Variants in LRGUK observed in about 807,000 individuals in gnomAD.
LRGUK encodes the protein leucine rich repeats and guanylate kinase domain containing.
Under a neutral mutation model 76.0 loss-of-function variants are expected in LRGUK, and 65 were observed. That is an observed-to-expected ratio of 0.85 (90% CI 0.70 to 1.05). LRGUK has a LOEUF of 1.05. Ranked by LOEUF, LRGUK falls within the 50% of genes least tolerant of loss-of-function variation. The pLI is 0.00. For missense variants in LRGUK, 758 were observed against 732.8 expected, an observed-to-expected ratio of 1.03 and a Z score of -0.40; for synonymous variants, 268 against 265.6, an observed-to-expected ratio of 1.01 and a Z score of -0.09.
At chr7:134,134,946 A>G (rs1357837614) in intron 1 of LRGUK, among the ~76,000 whole-genome samples, 1 of 152,174 alleles carries the variant, frequency 6.6e-6, no homozygotes, top group Non-Finnish European at 1.5e-5. Flanking sequence ...CAAAATATTA[A>G]AAGAAGGTGT....
At chr7:134,191,951 A>G (rs1800272403) in intron 12 of LRGUK, among the ~76,000 whole-genome samples, 200 bp downstream of exon 12, 1 of 151,044 alleles carries the variant, frequency 6.6e-6, no homozygotes. Flanking sequence ...ATGGTCTTGG[A>G]GAAAATATTG....
chr7:134,258,360 C>T, exon 19 of LRGUK: 3 of 1,613,986 alleles, frequency 1.9e-6, no homozygotes, highest in Non-Finnish European at 1.7e-6. Flanking sequence ...TTCTTCACAC[C>T]TAGGATCAGG....
intron 1 of LRGUK, among the ~76,000 whole-genome samples, chr7:134,135,312 C>T (rs1337505362): frequency 6.6e-6 from 1 of 152,128 alleles, no homozygotes; most frequent in Non-Finnish European, 1.5e-5. Context: ...GGTCTCCTCC[C>T]CTGGGTGGGT....
intron 11 of LRGUK, 138 bp downstream of exon 11, chr7:134,183,991 T>A: frequency 1.7e-6 from 2 of 1,167,138 alleles, no homozygotes; most frequent in Non-Finnish European, 2.4e-6. Context: ...CAAAACAACT[T>A]AATATTTAAG....
intron 7 of LRGUK, among the ~76,000 whole-genome samples, chr7:134,167,345 G>A (rs1450140214): frequency 6.6e-6 from 1 of 152,182 alleles, no homozygotes; most frequent in East Asian, 1.9e-4. Context: ...CTCAGACCAA[G>A]GTGAATGTGA....
chr7:134,199,981 T>TA lies in LRGUK; in HGVS notation c.1747+560_1747+561insA, dbSNP rs1563178598. ...TTTCTATAGATATATTCTAGAAACT[T>TA]TTATATATATATATATATATATATA... On this transcript the variant is annotated intron_variant, in intron 14 of 15. Coordinates refer to ENST00000645682, the Ensembl canonical transcript of LRGUK. Among the ~76,000 whole-genome samples, 53 of 81,682 alleles carry TA rather than the reference T, an allele frequency of 6.5e-4. 1 individual carries two copies. The highest frequency in any genetic ancestry group is 1.1e-3 in the Non-Finnish European group (46 of 43,108). 53.6% of individuals were successfully genotyped at this position (81,682 alleles called of 152,430 possible). A position where few individuals can be genotyped will look rare whatever the true frequency, so the allele number is the denominator to read the frequency against.
intron 12 of LRGUK, among the ~76,000 whole-genome samples, chr7:134,196,496 G>C (rs1800492167): frequency 6.6e-6 from 1 of 152,148 alleles, no homozygotes; most frequent in South Asian, 2.1e-4. Flanking sequence ...AAAGCTTTTA[G>C]GATGTCCCTG....
At chr7:134,249,226 C>A in intron 18 of LRGUK, 150 bp downstream of exon 18, 2 of 847,678 alleles carry the variant, frequency 2.4e-6, no homozygotes, top group Non-Finnish European at 3.3e-6. Flanking sequence ...TAGACCCTGC[C>A]CCTCTATGGA....
chr7:134,250,093 T>C (rs941470067), intron 18 of LRGUK, among the ~76,000 whole-genome samples: 2 of 152,154 alleles, frequency 1.3e-5, no homozygotes, highest in East Asian at 1.9e-4. Flanking sequence ...TGGCAGTCTC[T>C]GTGGAGCATC....
At chr7:134,191,442 T>C (rs1563172479) in intron 11 of LRGUK, among the ~76,000 whole-genome samples, 1 of 152,220 alleles carries the variant, frequency 6.6e-6, no homozygotes, top group Admixed American at 6.5e-5. Context: ...AAAAATTTGG[T>C]ATGGATAATC....
At chr7:134,143,656 T>A (rs1797859791) in intron 4 of LRGUK, among the ~76,000 whole-genome samples, 1 of 152,092 alleles carries the variant, frequency 6.6e-6, no homozygotes, top group African/African-American at 2.4e-5. Flanking sequence ...CTTTTATTTA[T>A]CTAACTTTAC....
rs561002221 is a variant in LRGUK at position 134,168,990 on chromosome 7, G to A, written c.939+5450G>A. On this transcript the variant is annotated intron_variant, in intron 7 of 15. Transcript: ENST00000645682. ...ATTGTGTGCCCCTCCCCTCCAAAAA[G>A]CCTACCCTCAGGAAACTGAATGTCC... Among the ~76,000 whole-genome samples the A allele has an allele frequency of 3.6e-4, 55 of 152,124 alleles. 3 individuals are homozygous for A. The highest frequency in any genetic ancestry group is 1.3e-3 in the African/African-American group (53 of 41,498).
chr7:134,206,293 G>A (rs1411032547), intron 15 of LRGUK, among the ~76,000 whole-genome samples: 5 of 152,188 alleles, frequency 3.3e-5, no homozygotes, highest in African/African-American at 1.2e-4. Flanking sequence ...GAGGAGGGCA[G>A]ATCACGAGGT....
chr7:134,241,285 C>A lies in LRGUK; in HGVS notation c.1984-6271C>A, dbSNP rs960731962. Among the ~76,000 whole-genome samples, 14 of 151,970 alleles carry A rather than the reference C, an allele frequency of 9.2e-5. 1 individual carries two copies. Among genetic ancestry groups the A allele is most frequent in the African/African-American group, 2.7e-4 (11 of 41,372 alleles). ...ATTGGATAAAGAGTCAAGACCCATC[C>A]GTGTGCTGTATTCAGGAGACCCATC... On this transcript the variant is annotated intron_variant, in intron 16 of 19. Coordinates refer to the LRGUK transcript ENST00000285928.
At chr7:134,203,199 C>G (rs1800859157) in intron 15 of LRGUK, among the ~76,000 whole-genome samples, 1 of 150,886 alleles carries the variant, frequency 6.6e-6, no homozygotes, top group South Asian at 2.1e-4. Flanking sequence ...AAAACTCCAT[C>G]TCAAAAAAAA....
chr7:134,245,776 T>G (rs1802285222), intron 16 of LRGUK, among the ~76,000 whole-genome samples: 1 of 152,044 alleles, frequency 6.6e-6, no homozygotes, highest in Admixed American at 6.6e-5. Flanking sequence ...AATAATAAAT[T>G]CACGGGAGAG....
chr7:134,211,897 C>G (rs1028719557), downstream of LRGUK, among the ~76,000 whole-genome samples: 1 of 152,168 alleles, frequency 6.6e-6, no homozygotes, highest in African/African-American at 2.4e-5. Flanking sequence ...CTCAGAGAGA[C>G]TGGGGGCCAG....
At chr7:134,150,902 A>G (rs943917555) in intron 5 of LRGUK, among the ~76,000 whole-genome samples, 1 of 152,220 alleles carries the variant, frequency 6.6e-6, no homozygotes, top group Non-Finnish European at 1.5e-5. Context: ...TTACATCAAA[A>G]CCAATAGAAG....
At chr7:134,150,877 A>G (rs1361744287) in intron 5 of LRGUK, among the ~76,000 whole-genome samples, 1 of 152,222 alleles carries the variant, frequency 6.6e-6, no homozygotes, top group Non-Finnish European at 1.5e-5. Flanking sequence ...ACTAAAGTAT[A>G]AAAAGCTGTA....
Sources: gnomAD v4.1 joint callset for allele counts (sites outside exome capture counted in the v4.1 genomes callset) on GRCh38, gnomAD v4.1.1 for gene constraint, MANE v1.5 for transcripts, NCBI Gene and HGNC (gene_info 2026-07-23, HGNC 2026-07-21) for gene names.